The following PTPRO variants were observed in gnomAD, a reference collection of about 807,000 sequenced individuals.
PTPRO encodes the protein receptor-type tyrosine-protein phosphatase O.
In PTPRO, 62 loss-of-function variants were observed where a neutral mutation model predicts 145.2. The ratio of observed to expected loss-of-function variants is 0.43; its 90% confidence interval spans 0.35 to 0.53. PTPRO has a LOEUF of 0.53. Ranked by LOEUF, PTPRO falls within the 20% of genes least tolerant of loss-of-function variation. The pLI is 0.01. For missense variants in PTPRO, 1,345 were observed against 1,482.7 expected, an observed-to-expected ratio of 0.91 and a Z score of 1.53; for synonymous variants, 565 against 514.7, an observed-to-expected ratio of 1.10 and a Z score of -1.32.
intron 1 of PTPRO, chr12:15,439,898 G>T: frequency 3.0e-6 from 2 of 659,092 alleles, no homozygotes; most frequent in South Asian, 3.3e-5. Flanking sequence ...CAAGTTCAAG[G>T]TGTTTGTTGC....
intron 2 of PTPRO, among the ~76,000 whole-genome samples, chr12:15,496,134 CT>C (rs1349321752): frequency 3.2e-5 from 3 of 93,136 alleles, no homozygotes; most frequent in African/African-American, 7.0e-5. Flanking sequence ...TTTTTCTTTT[CT>C]TTTTTTGTTT....
At chr12:15,454,819 C>T (rs559394665) in intron 1 of PTPRO, among the ~76,000 whole-genome samples, 1 of 152,274 alleles carries the variant, frequency 6.6e-6, no homozygotes, top group South Asian at 2.1e-4. Flanking sequence ...TATCTCAACA[C>T]CATTGGTTGA....
chr12:15,417,666 C>T (rs982413364), intron 1 of PTPRO, among the ~76,000 whole-genome samples: 17 of 151,600 alleles, frequency 1.1e-4, no homozygotes, highest in East Asian at 7.7e-4. Context: ...CTAATGAGTA[C>T]GCATTAAGTA....
chr12:15,401,473 A>C (rs758801055), intron 1 of PTPRO, among the ~76,000 whole-genome samples: 1 of 152,252 alleles, frequency 6.6e-6, no homozygotes, highest in Non-Finnish European at 1.5e-5. Flanking sequence ...TCTAAAATAT[A>C]CCTGTTCATA....
At chr12:15,325,944 A>G (rs956475169) in intron 1 of PTPRO, among the ~76,000 whole-genome samples, 2 of 152,168 alleles carry the variant, frequency 1.3e-5, no homozygotes, top group East Asian at 1.9e-4. Context: ...TGCTTTTACC[A>G]GAGATATCAT....
intron 1 of PTPRO, among the ~76,000 whole-genome samples, chr12:15,339,470 C>T (rs879429699): frequency 3.3e-5 from 5 of 152,156 alleles, no homozygotes; most frequent in Admixed American, 6.5e-5. Flanking sequence ...AAAAAATTAT[C>T]ATACCTCATT....
At chr12:15,419,828 A>G (rs1167255553) in intron 1 of PTPRO, among the ~76,000 whole-genome samples, 2 of 151,690 alleles carry the variant, frequency 1.3e-5, no homozygotes, top group East Asian at 3.9e-4. Context: ...CATTCAACAA[A>G]CCAATTGAAT....
chr12:15,453,590 A>G (rs749470642), intron 1 of PTPRO, among the ~76,000 whole-genome samples: 1 of 152,178 alleles, frequency 6.6e-6, no homozygotes, highest in Non-Finnish European at 1.5e-5. Context: ...ATTGTGTAAG[A>G]ACACTTAACA....
At chr12:15,385,857 A>AGATAGATAGATAGAT (rs1565600125) in intron 1 of PTPRO, among the ~76,000 whole-genome samples, 1 of 151,236 alleles carries the variant, frequency 6.6e-6, no homozygotes, top group African/African-American at 2.4e-5. Flanking sequence ...GACAGATGCT[A>AGATAGATAGATAGAT]GATAGATAGA....
intron 6 of PTPRO, among the ~76,000 whole-genome samples, chr12:15,508,338 T>G (rs1591664683): frequency 6.6e-6 from 1 of 152,176 alleles, no homozygotes; most frequent in Non-Finnish European, 1.5e-5. Flanking sequence ...ATGATTGAAG[T>G]GGCACTTTTG....
chr12:15,492,062 A>G (rs1591649500), intron 2 of PTPRO, among the ~76,000 whole-genome samples: 2 of 152,250 alleles, frequency 1.3e-5, no homozygotes, highest in Non-Finnish European at 2.9e-5. Flanking sequence ...GAATGAATCT[A>G]TAGTGATAAC....
chr12:15,395,664 A>G (rs949781018), intron 1 of PTPRO, among the ~76,000 whole-genome samples: 1 of 152,182 alleles, frequency 6.6e-6, no homozygotes, highest in East Asian at 1.9e-4. Context: ...ATTCTAGACT[A>G]CAGCATGAGA....
chr12:15,525,028 C>T, intron 11 of PTPRO, 63 bp downstream of exon 11: 1 of 1,564,260 alleles, frequency 6.4e-7, no homozygotes, highest in South Asian at 1.1e-5. Context: ...CTATTGAAAA[C>T]CACTAAGCAA....
chr12:15,513,158 A>AGG (rs1475005578), intron 7 of PTPRO, among the ~76,000 whole-genome samples: 1 of 2,212 alleles, frequency 4.5e-4, no homozygotes, highest in African/African-American at 1.3e-3. Flanking sequence ...AAAGAAAGAA[A>AGG]AAGAAAGAAA....
At chr12:15,582,867 C>T (rs1944350834) in intron 23 of PTPRO, among the ~76,000 whole-genome samples, 2 of 152,198 alleles carry the variant, frequency 1.3e-5, no homozygotes, top group Non-Finnish European at 2.9e-5. Context: ...CAAGGCCTGA[C>T]ACCTTTCTGC....
At chr12:15,518,404 C>A (rs1942644950) in intron 9 of PTPRO, among the ~76,000 whole-genome samples, 1 of 152,222 alleles carries the variant, frequency 6.6e-6, no homozygotes, top group Admixed American at 6.5e-5. Flanking sequence ...ATGGGAGGGG[C>A]TTCCATGAAG....
At chr12:15,350,077 T>C (rs1937749176) in intron 1 of PTPRO, among the ~76,000 whole-genome samples, 1 of 152,220 alleles carries the variant, frequency 6.6e-6, no homozygotes, top group South Asian at 2.1e-4. Flanking sequence ...TTGAAAATCA[T>C]CTACCTGTAG....
chr12:15,506,613 C>T (rs1050691621), intron 6 of PTPRO, among the ~76,000 whole-genome samples: 3 of 152,112 alleles, frequency 2.0e-5, no homozygotes, highest in Non-Finnish European at 4.4e-5. Context: ...GGGGAAACTG[C>T]CACTTTTAAA....
chr12:15,541,614 T>C (rs1298289913), intron 12 of PTPRO, among the ~76,000 whole-genome samples: 1 of 152,250 alleles, frequency 6.6e-6, no homozygotes, highest in African/African-American at 2.4e-5. Flanking sequence ...TCTTTGTGCT[T>C]GTACATCTCT....
Sources: gnomAD v4.1 joint callset for allele counts (sites outside exome capture counted in the v4.1 genomes callset) on GRCh38, gnomAD v4.1.1 for gene constraint, MANE v1.5 for transcripts, NCBI Gene and HGNC (gene_info 2026-07-23, HGNC 2026-07-21) for gene names.